Variants in FAM120A observed in about 807,000 individuals in gnomAD.
FAM120A encodes family with sequence similarity 120 member A.
Under a neutral mutation model 109.7 loss-of-function variants are expected in FAM120A, and 15 were observed. The observed-to-expected ratio is 0.14, with a 90% CI of 0.09 to 0.21. FAM120A has a LOEUF of 0.21. Among genes scored for constraint, FAM120A ranks in the 10% least tolerant of loss-of-function variants. The pLI is 1.00. For missense variants in FAM120A, 899 were observed against 1,439.3 expected (o/e 0.62, Z 6.07); for synonymous variants, 493 against 572.8 (o/e 0.86, Z 1.99).
At chr9:93,508,037 T>C (rs557226382) in intron 5 of FAM120A, among the ~76,000 whole-genome samples, 21 of 152,216 alleles carry the variant, frequency 1.4e-4, no homozygotes, top group African/African-American at 5.1e-4. Context: ...GGAGTGGTTT[T>C]GGTGCACATG....
At chr9:93,564,157 C>G (rs1862562265) in intron 17 of FAM120A, 72 bp from the exon 18 acceptor site, 4 of 1,488,158 alleles carry the variant, frequency 2.7e-6, no homozygotes, top group Non-Finnish European at 2.7e-6. Context: ...TGTCATTAGG[C>G]CAAAATTGGC....
At chr9:93,536,197 C>T (rs1045665227) in intron 10 of FAM120A, among the ~76,000 whole-genome samples, 2 of 152,192 alleles carry the variant, frequency 1.3e-5, no homozygotes, top group Non-Finnish European at 2.9e-5. Flanking sequence ...TCTTGGACCA[C>T]ATGGAGGTTG....
intron 5 of FAM120A, among the ~76,000 whole-genome samples, chr9:93,509,960 C>T (rs1860236717): frequency 6.6e-6 from 1 of 152,192 alleles, no homozygotes. Flanking sequence ...CTGTTCTGCA[C>T]TTGGTCTTTT....
chr9:93,502,565 T>TACACACACAC (rs6151079), intron 5 of FAM120A, among the ~76,000 whole-genome samples: 14,466 of 146,682 alleles, frequency 0.099, 933 homozygotes, highest in Non-Finnish European at 0.14. Flanking sequence ...GGAGGACACA[T>TACACACACAC]ACACACACAC....
chr9:93,478,926 T>C (rs928440576), intron 3 of FAM120A, among the ~76,000 whole-genome samples: 2 of 152,174 alleles, frequency 1.3e-5, no homozygotes, highest in African/African-American at 4.8e-5. Context: ...CACCTGCTAT[T>C]TTAGTCTCTT....
chr9:93,538,325 C>T (rs1234767011), intron 10 of FAM120A, among the ~76,000 whole-genome samples: 1 of 152,076 alleles, frequency 6.6e-6, no homozygotes, highest in Non-Finnish European at 1.5e-5. Flanking sequence ...AAGAACCCAA[C>T]CTGCTACCTA....
In FAM120A at chr9:93,561,130, A is replaced by T. The variant is rs1342200757; in HGVS notation, c.2828A>T (p.Gln943Leu). 6.2e-7 allele frequency: 1 copy of T among 1,613,510 alleles called. No homozygotes were observed. Among genetic ancestry groups the T allele is most frequent in the Non-Finnish European group, 8.5e-7 (1 of 1,179,864 alleles). The stretch of plus-strand genomic sequence containing the variant: ...GCAGGAGTCCAACCTATACCTTCTC[A>T]GGGAGGCAAACTAGAAATAGCTGGC... ...SQGGVQPIPS[Q>L]GGKLEIAGTV... The change falls in exon 16 of 18, where the codon CAG becomes CTG. Residue 943 changes from glutamine to leucine, a missense_variant. Around this residue, in one of 11 missense-constraint regions of FAM120A, gnomAD observed 129 missense variants for 153.4 expected, o/e 0.84. Transcript: ENST00000277165.
At chr9:93,557,531 G>C (rs1440887675) in intron 13 of FAM120A, among the ~76,000 whole-genome samples, 4 of 152,212 alleles carry the variant, frequency 2.6e-5, no homozygotes, top group African/African-American at 9.7e-5. Context: ...TTCAGTATGA[G>C]CTGAAACAAG....
chr9:93,558,154 C>A (rs150161136), intron 14 of FAM120A, 144 bp downstream of exon 14: 4 of 863,110 alleles, frequency 4.6e-6, no homozygotes, highest in Non-Finnish European at 6.8e-6. Context: ...TCTTCAAGTC[C>A]GTGAGGAGCA....
chr9:93,525,319 C>T (rs906173518), intron 7 of FAM120A, among the ~76,000 whole-genome samples: 1 of 152,034 alleles, frequency 6.6e-6, no homozygotes, highest in Non-Finnish European at 1.5e-5. Context: ...TGTGTCCCCT[C>T]CTTGCTTGGC....
chr9:93,502,181 G>T (rs893146247), intron 5 of FAM120A, among the ~76,000 whole-genome samples: 1 of 152,146 alleles, frequency 6.6e-6, no homozygotes, highest in Non-Finnish European at 1.5e-5. Flanking sequence ...TGTTGTATTA[G>T]AATTTATCTT....
At chr9:93,472,828 C>T (rs753668321) in intron 2 of FAM120A, among the ~76,000 whole-genome samples, 12 of 152,014 alleles carry the variant, frequency 7.9e-5, no homozygotes, top group African/African-American at 1.7e-4. Flanking sequence ...TCTATTTCTC[C>T]CAATCGGTCT....
Position 93,451,830 on chromosome 9 carries a change from C to T in FAM120A, c.-86C>T, listed in dbSNP as rs1215948677. ...CCCCCTAGAGGCCGCCGCCCCCGCC[C>T]GCCAGCCCGCCCGCGCGCCACGGCC... On this transcript the variant is annotated 5_prime_UTR_variant, in exon 1 of 18. Coordinates refer to ENST00000277165, the MANE Select transcript of FAM120A (RefSeq NM_014612.5). 2 of 967,266 alleles carry T rather than the reference C, an allele frequency of 2.1e-6. No individual in the cohort carries two copies. The highest frequency in any genetic ancestry group is 2.4e-6 in the Non-Finnish European group (2 of 817,036). The allele number at this position is 967,266 out of a possible 1,614,324, so 59.9% of individuals were successfully genotyped here. A position where few individuals can be genotyped will look rare whatever the true frequency, so the allele number is the denominator to read the frequency against.
intron 5 of FAM120A, among the ~76,000 whole-genome samples, chr9:93,506,974 A>G (rs149017325): frequency 6.6e-6 from 1 of 152,220 alleles, no homozygotes; most frequent in Non-Finnish European, 1.5e-5. Flanking sequence ...GGGGAGTCTG[A>G]TGTCTTGTCA....
chr9:93,549,432 A>G (rs892623390), intron 11 of FAM120A, among the ~76,000 whole-genome samples: 7 of 152,238 alleles, frequency 4.6e-5, no homozygotes, highest in African/African-American at 1.7e-4. Context: ...CTTGGCACCT[A>G]GTGAGCACGT....
At chr9:93,539,443 G>GA (rs916164343) in intron 10 of FAM120A, among the ~76,000 whole-genome samples, 7 of 152,224 alleles carry the variant, frequency 4.6e-5, no homozygotes, top group Non-Finnish European at 8.8e-5. Context: ...TGTTGGTGGT[G>GA]ATACACAAGA....
intron 16 of FAM120A, 121 bp downstream of exon 16, chr9:93,561,371 T>C (rs968859106): frequency 1.2e-6 from 1 of 865,610 alleles, no homozygotes; most frequent in South Asian, 1.8e-5. Context: ...TTCTTTAATA[T>C]CATTTGTATT....
chr9:93,461,570 T>C (rs572252211), intron 1 of FAM120A, among the ~76,000 whole-genome samples: 85 of 152,336 alleles, frequency 5.6e-4, no homozygotes, highest in Non-Finnish European at 7.9e-4. Context: ...TAGAGTAGGC[T>C]AAATAGATTC....
intron 1 of FAM120A, among the ~76,000 whole-genome samples, chr9:93,460,314 A>C (rs1380954047): frequency 1.3e-5 from 2 of 152,190 alleles, no homozygotes; most frequent in Non-Finnish European, 1.5e-5. Flanking sequence ...AAATTATCTA[A>C]ATGTCTCCAT....
Sources: allele counts gnomAD v4.1 joint callset (sites outside exome capture counted in the v4.1 genomes callset), GRCh38; gene constraint gnomAD v4.1.1; regional missense constraint gnomAD v4.1.1; transcripts MANE v1.5; gene names NCBI Gene and HGNC (gene_info 2026-07-23, HGNC 2026-07-21).